The following PRRC2C variants were observed in gnomAD, a reference collection of about 807,000 sequenced individuals.
The protein encoded by PRRC2C is proline rich coiled-coil 2C.
Under a neutral mutation model 317.2 loss-of-function variants are expected in PRRC2C, and 72 were observed. That is an observed-to-expected ratio of 0.23 (90% CI 0.19 to 0.28). PRRC2C has a LOEUF of 0.28. Among genes scored for constraint, PRRC2C ranks in the 10% least tolerant of loss-of-function variants. The probability of loss-of-function intolerance (pLI) is 1.00; values close to 1 mark genes in which losing one functional copy is unlikely to be tolerated. For missense variants in PRRC2C, 3,074 were observed against 3,459.7 expected (o/e 0.89, Z 2.80); for synonymous variants, 1,296 against 1,205.9 (o/e 1.07, Z -1.55).
rs559782328 is a variant in PRRC2C at position 171,561,108 on chromosome 1, G to T, written c.6117+5G>T. The T allele has an allele frequency of 6.4e-7, 1 of 1,574,070 alleles. No homozygotes were observed. The highest frequency in any genetic ancestry group is 8.7e-7 in the Non-Finnish European group (1 of 1,143,772). ...GGATCAGCTCCTTCATCAGAGGTAA[G>T]AATAGGCTTTTAACAGCATAGGTGT... is the stretch of plus-strand genomic sequence containing the variant. On this transcript the variant is annotated splice_donor_5th_base_variant and intron_variant, in intron 20 of 34. Transcript: ENST00000647382.
intron 5 of PRRC2C, among the ~76,000 whole-genome samples, 154 bp downstream of exon 5, chr1:171,516,013 C>T (rs897478022): frequency 2.6e-5 from 4 of 152,144 alleles, no homozygotes; most frequent in African/African-American, 9.7e-5. Flanking sequence ...GATTTTTGCA[C>T]CGACAGTATC....
At chr1:171,523,833 C>G (rs773361678) in intron 9 of PRRC2C, among the ~76,000 whole-genome samples, 2 of 151,970 alleles carry the variant, frequency 1.3e-5, no homozygotes, top group Non-Finnish European at 2.9e-5. Context: ...GTCAGGAGTT[C>G]GAGACCAGCT....
chr1:171,524,827 T>C lies in PRRC2C; in HGVS notation c.1062T>C (p.Asp354=). The change falls in exon 10 of 35, where the codon GAT becomes GAC. Residue 354 remains aspartate (D), a synonymous_variant. Coordinates refer to ENST00000647382, the MANE Select transcript of PRRC2C (RefSeq NM_001387844.1). ...CTGCATTTTGATTTTTCAGTGAGGATCAAGGTTCAAAAGCCTCTGAAAACA... is the reference window on the plus strand; with the variant it reads ...CTGCATTTTGATTTTTCAGTGAGGACCAAGGTTCAAAAGCCTCTGAAAACA... ...SNSPKENNSE[D]QGSKASENNE... 1 of 1,565,062 alleles carries C rather than the reference T, an allele frequency of 6.4e-7. No homozygotes were observed.
At position 171,540,062 on chromosome 1, in the gene PRRC2C, A is replaced by C. The variant is rs1482995509; in HGVS notation, c.2596A>C (p.Arg866=). ...LEAHPKADFI[R]ESSEAQVQKF... ...GGCTCACCCAAAGGCAGACTTTATC[A>C]GAGAATCAAGTGAGGCACAAGTACA... The change falls in exon 16 of 35, where the codon AGA becomes CGA. Residue 866 remains arginine (R), a synonymous_variant. Transcript: ENST00000647382. 3 of 1,613,838 alleles carry C rather than the reference A, an allele frequency of 1.9e-6. No individual in the cohort carries two copies. Among genetic ancestry groups the C allele is most frequent in the Non-Finnish European group, 2.5e-6 (3 of 1,179,824 alleles).
chr1:171,566,602 T>G lies in PRRC2C; in HGVS notation c.6317T>G (p.Leu2106Trp). The change falls in exon 22 of 35, where the codon TTG becomes TGG. Residue 2106 changes from leucine (L) to tryptophan (W), a missense_variant. Leu to Trp is a moderately conservative substitution (Grantham distance 61). Around this residue, in one of 11 missense-constraint regions of PRRC2C, gnomAD observed 640 missense variants for 676.1 expected, o/e 0.95. Coordinates refer to ENST00000647382, the MANE Select transcript of PRRC2C (RefSeq NM_001387844.1). ...AACATTTGACTTTAGCTTCCAGATT[T>G]GAGTCCAGTAGAAAACAAAGAACAC... ...GPIKAQKLPD[L>W]SPVENKEHKP... 10 of 1,579,240 alleles carry G rather than the reference T, an allele frequency of 6.3e-6. No individual in the cohort carries two copies. Among genetic ancestry groups the G allele is most frequent in the Non-Finnish European group, 8.6e-6 (10 of 1,164,420 alleles).
In PRRC2C at chr1:171,571,338, C is replaced by T; in HGVS notation, c.6670C>T (p.Leu2224Phe). 8 of 1,610,372 alleles carry T rather than the reference C, an allele frequency of 5.0e-6. No individual in the cohort carries two copies. The highest frequency in any genetic ancestry group is 6.8e-6 in the Non-Finnish European group (8 of 1,176,708). The change falls in exon 24 of 35, where the codon CTT becomes TTT. Residue 2224 changes from leucine to phenylalanine, a missense_variant. By Grantham distance (22) the Leu-to-Phe change is conservative (BLOSUM62 0). Around this residue, in one of 11 missense-constraint regions of PRRC2C, gnomAD observed 640 missense variants for 676.1 expected, o/e 0.95. Transcript: ENST00000647382. Reference protein sequence around the residue: ...LVNNVPLPNTLPLPKRETIQQ... With the variant: ...LVNNVPLPNTFPLPKRETIQQ... Reference sequence around the variant, plus strand: ...TTTTCAGGTGCCCCTGCCCAACACCCTTCCCCTCCCTAAGAGGGAGACTAT... The same window carrying T: ...TTTTCAGGTGCCCCTGCCCAACACCTTTCCCCTCCCTAAGAGGGAGACTAT...
intron 25 of PRRC2C, among the ~76,000 whole-genome samples, chr1:171,576,367 T>A (rs1052430867): frequency 2.4e-4 from 36 of 152,180 alleles, no homozygotes; most frequent in African/African-American, 6.8e-4. Context: ...AAGGCCCTTA[T>A]TGCCTAGTCA....
At chr1:171,577,770 C>CT (rs1558039721) in intron 26 of PRRC2C, 133 bp downstream of exon 26, 2 of 331,122 alleles carry the variant, frequency 6.0e-6, no homozygotes, top group African/African-American at 3.2e-5. Context: ...TTTAAATTCG[C>CT]ATTTTTTTTT....
Position 171,591,864 on chromosome 1 carries a change from C to A in PRRC2C, c.*17C>A. ...AAATCTTAAAGGCTATGGTTTATTG[C>A]AGGGGATTGGGAGGGGGGCGGGAAA... On this transcript the variant is annotated 3_prime_UTR_variant, in exon 35 of 35. Transcript: ENST00000647382. The A allele has an allele frequency of 1.1e-5, 16 of 1,422,568 alleles. No individual in the cohort carries two copies. The highest frequency in any genetic ancestry group is 3.4e-5 in the South Asian group (2 of 59,162). 88.1% of individuals were successfully genotyped at this position (1,422,568 alleles called of 1,614,324 possible).
At chr1:171,577,227 ATTG>A (rs994294515) in intron 25 of PRRC2C, among the ~76,000 whole-genome samples, 3 of 152,006 alleles carry the variant, frequency 2.0e-5, no homozygotes, top group African/African-American at 7.3e-5. Flanking sequence ...TCTGTTGTTT[ATTG>A]TTCCATATTT....
In PRRC2C at chr1:171,556,567, C is replaced by G. The variant is rs554783052; in HGVS notation, c.5128-673C>G. Among the ~76,000 whole-genome samples the G allele has an allele frequency of 7.2e-5, 11 of 152,340 alleles. No individual in the cohort carries two copies. The East Asian group carries it at 1.9e-3, about 27-fold the overall frequency. On this transcript the variant is annotated intron_variant, in intron 18 of 34. Coordinates refer to ENST00000647382, the MANE Select transcript of PRRC2C (RefSeq NM_001387844.1). ...TTCAGCTGTCTTGGAATGGCAACGA[C>G]TACTTCCTCAAGACCATCTTTACTT...
chr1:171,551,747 G>T (rs1196257296), intron 18 of PRRC2C, among the ~76,000 whole-genome samples: 3 of 152,120 alleles, frequency 2.0e-5, no homozygotes, highest in African/African-American at 2.4e-5. Context: ...GTTTTTGTCA[G>T]GTTTGCCAAA....
chr1:171,568,629 G>C (rs1456187073), intron 23 of PRRC2C, among the ~76,000 whole-genome samples: 3 of 152,312 alleles, frequency 2.0e-5, no homozygotes, highest in Non-Finnish European at 4.4e-5. Context: ...TTGGTAAGAA[G>C]TTGTTTTAGC....
At chr1:171,573,836 C>T (rs879857709) in intron 24 of PRRC2C, among the ~76,000 whole-genome samples, 14 of 151,498 alleles carry the variant, frequency 9.2e-5, no homozygotes, top group African/African-American at 2.4e-4. Flanking sequence ...ACACCACGCC[C>T]GGCTAAATTT....
At chr1:171,510,512 A>G (rs1435369715) in intron 1 of PRRC2C, 1 of 152,036 alleles carries the variant, frequency 6.6e-6, no homozygotes, top group African/African-American at 2.4e-5. Flanking sequence ...TATTCTTTCT[A>G]TATCTTTGTA....
chr1:171,534,975 T>C (rs903964132), intron 12 of PRRC2C, among the ~76,000 whole-genome samples: 1 of 152,200 alleles, frequency 6.6e-6, no homozygotes, highest in Non-Finnish European at 1.5e-5. Context: ...TAGTTTTCCT[T>C]ACAGATAATA....
In PRRC2C at chr1:171,503,163, A is replaced by G. The variant is rs139011300; in HGVS notation, c.-57-8869A>G. Among the ~76,000 whole-genome samples, 167 of 152,340 alleles carry G rather than the reference A, an allele frequency of 1.1e-3. 4 individuals are homozygous for G. In the East Asian group the frequency reaches 0.03, roughly 27 times the overall value. On this transcript the variant is annotated intron_variant, in intron 1 of 34. Coordinates refer to ENST00000647382, the MANE Select transcript of PRRC2C (RefSeq NM_001387844.1). ...GTGCACAAAAACTAGAGGCATTACC[A>G]TAAACACCTTTGGTGGTAGAAGGAG...
At chr1:171,489,886 AC>A (rs1355989575) in intron 1 of PRRC2C, among the ~76,000 whole-genome samples, 2 of 151,938 alleles carry the variant, frequency 1.3e-5, no homozygotes, top group African/African-American at 2.4e-5. Flanking sequence ...CTTCAATTCA[AC>A]TTGCTGTCTT....
chr1:171,553,263 T>C (rs1313548240), intron 18 of PRRC2C, among the ~76,000 whole-genome samples: 1 of 152,190 alleles, frequency 6.6e-6, no homozygotes, highest in East Asian at 1.9e-4. Context: ...GTGTTTGTAG[T>C]ATTCTGTGAT....
Sources: allele counts gnomAD v4.1 joint callset (sites outside exome capture counted in the v4.1 genomes callset), GRCh38; gene constraint gnomAD v4.1.1; regional missense constraint gnomAD v4.1.1; transcripts MANE v1.5; gene names NCBI Gene and HGNC (gene_info 2026-07-23, HGNC 2026-07-21).